The following STK38L variants were observed in gnomAD, a reference collection of about 807,000 sequenced individuals.
The protein encoded by STK38L is serine/threonine kinase 38 like.
In STK38L, 28 loss-of-function variants were observed where a neutral mutation model predicts 59.7. The observed-to-expected ratio is 0.47, with a 90% CI of 0.35 to 0.64. STK38L has a LOEUF of 0.64. Ranked by LOEUF, STK38L falls within the 30% of genes least tolerant of loss-of-function variation. STK38L has a pLI of 0.01. For missense variants in STK38L, 314 were observed against 555.8 expected (o/e 0.56, Z 4.37); for synonymous variants, 162 against 176.8 (o/e 0.92, Z 0.66).
At chr12:27,281,408 C>T (rs1943655102) in intron 1 of STK38L, among the ~76,000 whole-genome samples, 1 of 152,112 alleles carries the variant, frequency 6.6e-6, no homozygotes, top group Non-Finnish European at 1.5e-5. Flanking sequence ...GTTTAACTGA[C>T]TCTGGTTGTA....
intron 2 of STK38L, among the ~76,000 whole-genome samples, chr12:27,300,175 G>A (rs1944130377): frequency 6.6e-6 from 1 of 152,118 alleles, no homozygotes; most frequent in Non-Finnish European, 1.5e-5. Context: ...GCCACTGTAT[G>A]TCAAGTCGAA....
chr12:27,264,999 A>G (rs1943274007), intron 1 of STK38L, among the ~76,000 whole-genome samples: 1 of 152,230 alleles, frequency 6.6e-6, no homozygotes, highest in Non-Finnish European at 1.5e-5. Flanking sequence ...GTTCCAAGGC[A>G]GATGCAAGGA....
chr12:27,280,308 T>G (rs1215594656), intron 1 of STK38L, among the ~76,000 whole-genome samples: 2 of 152,232 alleles, frequency 1.3e-5, no homozygotes, highest in African/African-American at 4.8e-5. Context: ...TCAGTACTGA[T>G]TCCAGCTACC....
At chr12:27,266,282 T>G (rs1013181637) in intron 1 of STK38L, among the ~76,000 whole-genome samples, 1 of 152,202 alleles carries the variant, frequency 6.6e-6, no homozygotes, top group African/African-American at 2.4e-5. Context: ...ATTTTGTAGG[T>G]CCAGTCCACA....
intron 1 of STK38L, among the ~76,000 whole-genome samples, chr12:27,286,646 AT>A (rs1457927172): frequency 1.3e-5 from 2 of 152,192 alleles, no homozygotes; most frequent in African/African-American, 4.8e-5. Flanking sequence ...TTAAAAAAAA[AT>A]CTTTGTGGCA....
chr12:27,273,805 C>A (rs1359760128), intron 1 of STK38L, among the ~76,000 whole-genome samples: 1 of 152,176 alleles, frequency 6.6e-6, no homozygotes, highest in Non-Finnish European at 1.5e-5. Flanking sequence ...AGATAATCTA[C>A]CTTTCTGTGC....
At chr12:27,301,158 C>T (rs556067736) in intron 2 of STK38L, among the ~76,000 whole-genome samples, 75 of 152,324 alleles carry the variant, frequency 4.9e-4, no homozygotes, top group African/African-American at 1.6e-3. Flanking sequence ...ACCCCAGATG[C>T]TCAGCTTAAC....
chr12:27,302,221 G>GTCACTGGGGGTGCTTTTGTA, intron 3 of STK38L, 33 bp downstream of exon 3: 1 of 1,515,094 alleles, frequency 6.6e-7, no homozygotes, highest in Non-Finnish European at 8.9e-7. Context: ...CTGTACAAAA[G>GTCACTGGGGGTGCTTTTGTA]CACCCCCAGT....
intron 1 of STK38L, among the ~76,000 whole-genome samples, chr12:27,277,880 C>T (rs1943571731): frequency 6.6e-6 from 1 of 152,094 alleles, no homozygotes; most frequent in Admixed American, 6.5e-5. Context: ...AGAATTGCCT[C>T]TTTCCACAAA....
chr12:27,263,286 T>C (rs1943240201), intron 1 of STK38L, among the ~76,000 whole-genome samples: 1 of 152,230 alleles, frequency 6.6e-6, no homozygotes, highest in African/African-American at 2.4e-5. Flanking sequence ...TGAAACCTCT[T>C]GAGTTAAACC....
intron 12 of STK38L, among the ~76,000 whole-genome samples, chr12:27,320,653 C>T (rs1944705387): frequency 6.6e-6 from 1 of 152,024 alleles, no homozygotes; most frequent in Non-Finnish European, 1.5e-5. Flanking sequence ...AAGTACTTTA[C>T]TTGCGTTTCT....
At chr12:27,305,024 C>G (rs1041834651) in intron 3 of STK38L, among the ~76,000 whole-genome samples, 1 of 152,136 alleles carries the variant, frequency 6.6e-6, no homozygotes, top group Non-Finnish European at 1.5e-5. Flanking sequence ...TAATAAGAGT[C>G]CCAGCCCATG....
At chr12:27,282,452 C>CA (rs1245767846) in intron 1 of STK38L, among the ~76,000 whole-genome samples, 1 of 151,932 alleles carries the variant, frequency 6.6e-6, no homozygotes, top group Non-Finnish European at 1.5e-5. Flanking sequence ...ATGCAGCTTA[C>CA]AAAAGAAATA....
chr12:27,256,930 A>C (rs1943102796), intron 1 of STK38L, among the ~76,000 whole-genome samples: 2 of 152,214 alleles, frequency 1.3e-5, no homozygotes, highest in East Asian at 3.8e-4. Flanking sequence ...CATCAAATAG[A>C]ATTGTCATAA....
At chr12:27,310,698 A>T (rs1310741958) in intron 5 of STK38L, among the ~76,000 whole-genome samples, 2 of 152,226 alleles carry the variant, frequency 1.3e-5, no homozygotes, top group African/African-American at 2.4e-5. Context: ...TAGAAAATTT[A>T]AAAATTACAT....
chr12:27,252,651 T>A (rs955176279), intron 1 of STK38L, among the ~76,000 whole-genome samples: 5 of 152,214 alleles, frequency 3.3e-5, no homozygotes, highest in African/African-American at 1.2e-4. Context: ...CATTTTCAGA[T>A]CTGGTTGAGG....
intron 5 of STK38L, 151 bp from the exon 6 acceptor site, chr12:27,312,398 T>C (rs1944476904): frequency 3.8e-6 from 3 of 799,614 alleles, no homozygotes; most frequent in Non-Finnish European, 5.7e-6. Context: ...TCTCCATATT[T>C]GATGAGAATA....
intron 1 of STK38L, among the ~76,000 whole-genome samples, chr12:27,277,507 A>G (rs1943563372): frequency 6.6e-6 from 1 of 152,132 alleles, no homozygotes. Flanking sequence ...AAACCAACTC[A>G]AAGGTAAGTT....
chr12:27,275,820 A>T (rs1322002421), intron 1 of STK38L, among the ~76,000 whole-genome samples: 1 of 152,206 alleles, frequency 6.6e-6, no homozygotes, highest in Non-Finnish European at 1.5e-5. Context: ...TGCAATTCTT[A>T]CTATATTATA....
Sources: allele counts gnomAD v4.1 joint callset (sites outside exome capture counted in the v4.1 genomes callset), GRCh38; gene constraint gnomAD v4.1.1; transcripts MANE v1.5; gene names NCBI Gene and HGNC (gene_info 2026-07-23, HGNC 2026-07-21).